The following ADARB2 variants were observed in gnomAD, a reference collection of about 807,000 sequenced individuals.
ADARB2 encodes the protein adenosine deaminase RNA specific B2 (inactive), also known as inactive double-stranded RNA-specific editase B2.
Under a neutral mutation model 62.2 loss-of-function variants are expected in ADARB2, and 25 were observed. That is an observed-to-expected ratio of 0.40 (90% CI 0.29 to 0.56). The LOEUF is 0.56. Among genes scored for constraint, ADARB2 ranks in the 20% least tolerant of loss-of-function variants. The probability of loss-of-function intolerance (pLI) is 0.43; values close to 1 mark genes in which losing one functional copy is unlikely to be tolerated. For synonymous variants in ADARB2, 572 were observed against 500.8 expected, an observed-to-expected ratio of 1.14 and a Z score of -1.90; for missense variants, 1,071 against 1,077.4, an observed-to-expected ratio of 0.99 and a Z score of 0.08.
At chr10:1,610,321 G>T (rs1341534496) in intron 1 of ADARB2, among the ~76,000 whole-genome samples, 1 of 152,160 alleles carries the variant, frequency 6.6e-6, no homozygotes, top group African/African-American at 2.4e-5. Context: ...ATGTCCACAG[G>T]CCCCTTTCTC....
chr10:1,555,057 C>A (rs1464346817), intron 1 of ADARB2, among the ~76,000 whole-genome samples: 1 of 152,166 alleles, frequency 6.6e-6, no homozygotes, highest in African/African-American at 2.4e-5. Context: ...GACACGATTT[C>A]ATTCTTTTTG....
intron 3 of ADARB2, among the ~76,000 whole-genome samples, chr10:1,282,635 T>C (rs1017196505): frequency 3.3e-5 from 5 of 152,226 alleles, no homozygotes; most frequent in Non-Finnish European, 7.3e-5. Context: ...CAAACCCAAC[T>C]AATCAGACTT....
intron 1 of ADARB2, among the ~76,000 whole-genome samples, chr10:1,605,353 C>T (rs1367140248): frequency 6.6e-6 from 1 of 152,202 alleles, no homozygotes; most frequent in African/African-American, 2.4e-5. Flanking sequence ...ACAATGTCAC[C>T]TTCCCGTCTC....
At chr10:1,343,659 T>C (rs746771066) in intron 3 of ADARB2, among the ~76,000 whole-genome samples, 1 of 152,228 alleles carries the variant, frequency 6.6e-6, no homozygotes, top group Non-Finnish European at 1.5e-5. Flanking sequence ...ACAGAAAATA[T>C]GCTACATATA....
chr10:1,316,939 T>G (rs1027054698), intron 3 of ADARB2, among the ~76,000 whole-genome samples: 11 of 152,262 alleles, frequency 7.2e-5, no homozygotes, highest in African/African-American at 2.7e-4. Context: ...CATGCTTGTA[T>G]GCAAAACGCA....
rs193009415 is a variant in ADARB2 at position 1,734,640 on chromosome 10, A to T, written c.100+2411T>A. 3.8e-4 allele frequency among the ~76,000 whole-genome samples: 58 copies of T among 152,356 alleles called. 1 individual carries two copies. In the East Asian group the frequency reaches 0.01, roughly 27 times the overall value. On this transcript the variant is annotated intron_variant, in intron 1 of 9. Coordinates refer to ENST00000381312, the MANE Select transcript of ADARB2 (RefSeq NM_018702.4). ...TACGCATCTGACAGGCAACAGGGTC[A>T]GCATGTATCTTAATTGTCTTTATTC...
intron 1 of ADARB2, among the ~76,000 whole-genome samples, chr10:1,521,710 A>T (rs564895275): frequency 1.3e-5 from 2 of 152,320 alleles, no homozygotes; most frequent in Admixed American, 6.5e-5. Flanking sequence ...ACTTTGGACA[A>T]ATTCAACCAA....
chr10:1,251,572 G>C (rs1187612843), intron 4 of ADARB2, among the ~76,000 whole-genome samples: 1 of 152,008 alleles, frequency 6.6e-6, no homozygotes, highest in Non-Finnish European at 1.5e-5. Flanking sequence ...CACAAAGAAT[G>C]GTTTTTGGGT....
intron 3 of ADARB2, among the ~76,000 whole-genome samples, chr10:1,277,008 T>G (rs992862967): frequency 5.3e-5 from 8 of 152,184 alleles, no homozygotes; most frequent in African/African-American, 1.9e-4. Context: ...GAATGACTAC[T>G]GGGTACATAA....
At chr10:1,316,889 C>T (rs542225730) in intron 3 of ADARB2, among the ~76,000 whole-genome samples, 4 of 152,322 alleles carry the variant, frequency 2.6e-5, no homozygotes, top group South Asian at 2.1e-4. Flanking sequence ...CTCCTCACTC[C>T]GGAGGCATAA....
chr10:1,478,731 C>T (rs190627659), intron 1 of ADARB2, among the ~76,000 whole-genome samples: 25 of 149,148 alleles, frequency 1.7e-4, no homozygotes, highest in Admixed American at 6.7e-4. Flanking sequence ...GACCCTCGGA[C>T]GGGAGAGCGC....
chr10:1,594,503 G>T (rs925927191), intron 1 of ADARB2, among the ~76,000 whole-genome samples: 1 of 152,064 alleles, frequency 6.6e-6, no homozygotes, highest in East Asian at 1.9e-4. Flanking sequence ...GGATTTTGGC[G>T]TGGGTGTTTG....
At chr10:1,637,365 A>G (rs1833928992) in intron 1 of ADARB2, among the ~76,000 whole-genome samples, 1 of 152,204 alleles carries the variant, frequency 6.6e-6, no homozygotes, top group Admixed American at 6.5e-5. Flanking sequence ...GATTAGAGCT[A>G]TAATCACATA....
At chr10:1,215,496 G>A (rs950396468) in intron 7 of ADARB2, among the ~76,000 whole-genome samples, 23 of 152,188 alleles carry the variant, frequency 1.5e-4, no homozygotes, top group African/African-American at 5.3e-4. Flanking sequence ...CCTCCTTCCT[G>A]CACATCCTGG....
chr10:1,479,919 C>A (rs1588272759), intron 1 of ADARB2, among the ~76,000 whole-genome samples: 2 of 152,114 alleles, frequency 1.3e-5, no homozygotes, highest in East Asian at 3.9e-4. Context: ...ACGTGCTTTA[C>A]TCCATAGACG....
chr10:1,211,993 G>A (rs1188985069), intron 7 of ADARB2, among the ~76,000 whole-genome samples: 4 of 152,180 alleles, frequency 2.6e-5, no homozygotes, highest in African/African-American at 4.8e-5. Context: ...GCTGGCTCCT[G>A]TGCATCCTGC....
intron 1 of ADARB2, among the ~76,000 whole-genome samples, chr10:1,631,679 C>T (rs1034493325): frequency 2.9e-4 from 44 of 152,078 alleles, no homozygotes; most frequent in East Asian, 7.7e-4. Flanking sequence ...GGGTAAAGGA[C>T]GACGCTGTGT....
At chr10:1,462,562 T>C (rs904951994) in intron 1 of ADARB2, among the ~76,000 whole-genome samples, 10 of 151,608 alleles carry the variant, frequency 6.6e-5, no homozygotes, top group African/African-American at 2.4e-4. Flanking sequence ...TATGTGCCTG[T>C]GTGTATGTGC....
At chr10:1,266,511 T>TGGGGGGGGGGGGGGGGGGGGG (rs782182369) in intron 4 of ADARB2, among the ~76,000 whole-genome samples, 4 of 128,438 alleles carry the variant, frequency 3.1e-5, no homozygotes, top group African/African-American at 6.3e-5. Context: ...TGGTGGGGGG[T>TGGGGGGGGGGGGGGGGGGGGG]GGGGGGGGGG....
Sources: allele counts gnomAD v4.1 joint callset (sites outside exome capture counted in the v4.1 genomes callset), GRCh38; gene constraint gnomAD v4.1.1; transcripts MANE v1.5; gene names NCBI Gene and HGNC (gene_info 2026-07-23, HGNC 2026-07-21).